INTS1: variants seen among roughly 807,000 people sequenced by gnomAD.
The protein encoded by INTS1 is integrator complex subunit 1.
Under a neutral mutation model 241.6 loss-of-function variants are expected in INTS1, and 137 were observed. The ratio of observed to expected loss-of-function variants is 0.57; its 90% CI spans 0.49 to 0.65. The LOEUF (loss-of-function observed/expected upper bound fraction) is 0.65. Ranked by LOEUF, INTS1 falls within the 30% of genes least tolerant of loss-of-function variation. INTS1 has a pLI of 0.00. For missense variants in INTS1, 3,073 were observed against 3,032.2 expected (o/e 1.01, Z -0.32); for synonymous variants, 1,692 against 1,337.8 (o/e 1.26, Z -5.78).
intron 43 of INTS1, among the ~76,000 whole-genome samples, chr7:1,472,588 T>C (rs1781522160): frequency 2.0e-5 from 3 of 152,110 alleles, no homozygotes; most frequent in Admixed American, 6.5e-5. Context: ...TGCGAGTCTC[T>C]CCCTGCTGGG....
chr7:1,496,396 C>T lies in INTS1; in HGVS notation c.1603-132G>A, dbSNP rs55737521. On this transcript the variant is annotated intron_variant, in intron 11 of 47. Transcript: ENST00000404767. ...GCCCCACTCCACACCCACGTGGGCG[C>T]GGCACGGGGTCTGTATCCAGAAGGG... 7.5e-5 allele frequency: 36 copies of T among 481,614 alleles called. 1 individual carries two copies. The highest frequency in any genetic ancestry group is 1.2e-4 in the Non-Finnish European group (32 of 274,620). The allele number at this position is 481,614 out of a possible 1,614,324, so 29.8% of individuals were successfully genotyped here. A position where few individuals can be genotyped will look rare whatever the true frequency, so the allele number is the denominator to read the frequency against.
intron 26 of INTS1, 45 bp downstream of exon 26, chr7:1,483,697 C>T: frequency 6.7e-7 from 1 of 1,491,668 alleles, no homozygotes; most frequent in Non-Finnish European, 9.3e-7. Context: ...GGGCTGTGGC[C>T]CACCTGGCAC....
chr7:1,493,664 G>T lies in INTS1; in HGVS notation c.2068+90C>A. On this transcript the variant is annotated intron_variant, in intron 15 of 47. Coordinates refer to ENST00000404767, the MANE Select transcript of INTS1 (RefSeq NM_001080453.3). This position sits in a 1 kb window ranked among gnomAD's most constrained non-coding sequence, Gnocchi z 5.3. ...CCCAGCTGAAGCGCAGCTTTGTGGAGCGCCCCAGAGGTGCGTGCCAGAGCC... is the reference window on the plus strand; with the variant it reads ...CCCAGCTGAAGCGCAGCTTTGTGGATCGCCCCAGAGGTGCGTGCCAGAGCC... The T allele has an allele frequency of 2.1e-6, 3 of 1,435,526 alleles. No individual in the cohort carries two copies. Among genetic ancestry groups the T allele is most frequent in the Non-Finnish European group, 2.8e-6 (3 of 1,086,378 alleles). 88.9% of individuals were successfully genotyped at this position (1,435,526 alleles called of 1,614,324 possible).
rs2128545943 is a variant in INTS1, at chr7:1,502,883, T to C, written c.349+18A>G. ...TGAGCTGAGGGGTGTTCTCGGGGGA[T>C]GTCCACAGACTCATTACCTTCAATT... On this transcript the variant is annotated intron_variant, in intron 3 of 47. Transcript: ENST00000404767. The C allele has an allele frequency of 1.2e-6, 2 of 1,613,072 alleles. No individual in the cohort carries two copies. Among genetic ancestry groups the C allele is most frequent in the Non-Finnish European group, 1.7e-6 (2 of 1,179,480 alleles).
chr7:1,490,224 C>A (rs6968011), intron 16 of INTS1, among the ~76,000 whole-genome samples: 76,721 of 152,088 alleles, frequency 0.5, 20,222 homozygotes, highest in East Asian at 0.7. Context: ...TCAGAGAGCA[C>A]GCGAGGCTCA....
Position 1,499,522 on chromosome 7 carries a change from G to A in INTS1, c.795C>T (p.Ser265=), listed in dbSNP as rs181410589. Residue 265 remains serine (S), a synonymous_variant, in exon 6 of 48, where the codon AGC becomes AGT. Coordinates refer to ENST00000404767, the MANE Select transcript of INTS1 (RefSeq NM_001080453.3). ...GGCCCGCCTCCCCCTGCAGCAGCAC[G>A]CTCCTGGGGGGCATTCTGGTGTTGA... ...TAFNTRMPPR[S]VLLQGEAGRV... is the part of the protein sequence containing the mutation. The A allele has an allele frequency of 1.6e-3, 2,526 of 1,612,160 alleles. 10 individuals carry two copies. The highest frequency in any genetic ancestry group is 3.1e-3 in the Middle Eastern group (19 of 6,052).
chr7:1,499,250 G>A lies in INTS1; in HGVS notation c.950+5C>T. 7 of 1,609,148 alleles carry A rather than the reference G, an allele frequency of 4.4e-6. No homozygotes were observed. Among genetic ancestry groups the A allele is most frequent in the East Asian group, 2.2e-5 (1 of 44,834 alleles). On this transcript the variant is annotated splice_donor_5th_base_variant and intron_variant, in intron 7 of 47. Coordinates refer to ENST00000404767, the MANE Select transcript of INTS1 (RefSeq NM_001080453.3). ...CCAACTGGGACCGGGCAGGCACGCA[G>A]CTACCTGGGCATGAGCTGGCCCTCC...
At chr7:1,474,652 G>A (rs1351423370) in intron 40 of INTS1, 53 bp downstream of exon 40, 3 of 1,515,904 alleles carry the variant, frequency 2.0e-6, no homozygotes, top group Non-Finnish European at 2.7e-6. Flanking sequence ...GAGAGCCGCA[G>A]ACCCCCCTGG....
At chr7:1,495,980 C>G (rs1170151568) in intron 12 of INTS1, among the ~76,000 whole-genome samples, 176 bp downstream of exon 12, 1 of 152,180 alleles carries the variant, frequency 6.6e-6, no homozygotes, top group Non-Finnish European at 1.5e-5. Flanking sequence ...TGGGGTGAGG[C>G]CCGGATGGAC....
At chr7:1,483,585 C>A in intron 26 of INTS1, 157 bp downstream of exon 26, 1 of 682,930 alleles carries the variant, frequency 1.5e-6, no homozygotes, top group Non-Finnish European at 2.7e-6. Context: ...GGACGGACTG[C>A]AGCCTCCTCT....
intron 16 of INTS1, 58 bp downstream of exon 16, chr7:1,492,952 G>A (rs1782648451): frequency 7.5e-7 from 1 of 1,336,034 alleles, no homozygotes; most frequent in Non-Finnish European, 1.1e-6. Flanking sequence ...CCGGGTGGGA[G>A]TGGGGAGCGG....
At position 1,486,525 on chromosome 7, in the gene INTS1, A is replaced by C. The variant is rs955810997; in HGVS notation, c.2976+100T>G. 1.1e-5 allele frequency: 15 copies of C among 1,385,920 alleles called. No homozygotes were observed. The Admixed American group carries it at 2.7e-4, about 25-fold the overall frequency. 85.9% of individuals were successfully genotyped at this position (1,385,920 alleles called of 1,614,324 possible). A position where few individuals can be genotyped will look rare whatever the true frequency, so the allele number is the denominator to read the frequency against. The stretch of plus-strand genomic sequence containing the variant: ...GGTAATCTGCCTGCCTTGGCCTCCC[A>C]AAGTGCTGGGATGACAGGCGTGAGC... On this transcript the variant is annotated intron_variant, in intron 22 of 47. Coordinates refer to ENST00000404767, the MANE Select transcript of INTS1 (RefSeq NM_001080453.3).
chr7:1,475,561 C>T (rs1212696877), intron 39 of INTS1, among the ~76,000 whole-genome samples: 5 of 152,130 alleles, frequency 3.3e-5, no homozygotes, highest in Admixed American at 3.3e-4. Flanking sequence ...CCCAGCTCTC[C>T]CCACCAGGGT....
At chr7:1,487,988 G>GC in intron 18 of INTS1, 31 bp from the exon 19 acceptor site, 1 of 1,607,728 alleles carries the variant, frequency 6.2e-7, no homozygotes, top group Non-Finnish European at 8.5e-7. Flanking sequence ...GTGTCACCCT[G>GC]CCCCCCATGA....
chr7:1,499,443 C>T (rs1721664750), intron 6 of INTS1, 30 bp downstream of exon 6: 2 of 1,574,136 alleles, frequency 1.3e-6, no homozygotes, highest in South Asian at 2.3e-5. Context: ...GCTTGGACAC[C>T]CGCCCTCTCT....
Position 1,493,790 on chromosome 7 carries a change from G to A in INTS1, c.2032C>T (p.His678Tyr). The A allele has an allele frequency of 6.3e-7, 1 of 1,579,242 alleles. No individual in the cohort carries two copies. Among genetic ancestry groups the A allele is most frequent in the Non-Finnish European group, 8.6e-7 (1 of 1,163,950 alleles). Residue 678 changes from histidine to tyrosine, a missense_variant, in exon 15 of 48, where the codon CAC becomes TAC. Coordinates refer to ENST00000404767, the MANE Select transcript of INTS1 (RefSeq NM_001080453.3). The surrounding 1 kb of genome is among the most constrained non-coding windows in gnomAD (Gnocchi z 5.3). ...ACGGCAGCCGCCCGCTTCACCAGGT[G>A]GTCAGCAAGCTCCATGGCGTCCGCA... The part of the protein sequence containing the change: ...GPADAMELAD[H>Y]LVKRAAAVQA...
At chr7:1,487,520 C>CA in intron 19 of INTS1, 71 bp from the exon 20 acceptor site, 5 of 1,532,160 alleles carry the variant, frequency 3.3e-6, no homozygotes, top group Non-Finnish European at 4.4e-6. Flanking sequence ...CTCCTCCTCC[C>CA]ATCCCTGCTT....
rs756570358 is a variant in INTS1 at position 1,489,663 on chromosome 7, C to T, written c.2185G>A (p.Ala729Thr). Residue 729 changes from alanine to threonine, a missense_variant, in exon 17 of 48, where the codon GCC becomes ACC. Coordinates refer to ENST00000404767, the MANE Select transcript of INTS1 (RefSeq NM_001080453.3). ...LPPGYQPPNLAISTLYWKAWP... is the reference protein window; with the variant it reads ...LPPGYQPPNLTISTLYWKAWP... ...GCCTTCCAGTAGAGGGTAGAGATGG[C>T]GAGGTTCGGAGGCTGGTACCTGGAA... 25 of 1,566,940 alleles carry T rather than the reference C, an allele frequency of 1.6e-5. No individual in the cohort carries two copies. Among genetic ancestry groups the T allele is most frequent in the Admixed American group, 3.7e-5 (2 of 54,092 alleles).
chr7:1,494,749 G>A, intron 14 of INTS1, 67 bp downstream of exon 14: 1 of 1,494,338 alleles, frequency 6.7e-7, no homozygotes, highest in Non-Finnish European at 9.0e-7. Flanking sequence ...TCCTGCCGCA[G>A]CCGGCCCGGC....
Sources: allele counts gnomAD v4.1 joint callset (sites outside exome capture counted in the v4.1 genomes callset), GRCh38; gene constraint gnomAD v4.1.1; non-coding constraint Gnocchi (gnomAD v3.1); transcripts MANE v1.5; gene names NCBI Gene and HGNC (gene_info 2026-07-23, HGNC 2026-07-21).